Variants in MDGA2 observed in about 807,000 individuals in gnomAD.
MDGA2 encodes MAM domain-containing glycosylphosphatidylinositol anchor protein 2.
MDGA2 carries 40 observed loss-of-function variants against 117.8 expected under a neutral mutation model. The observed-to-expected ratio is 0.34, with a 90% CI of 0.26 to 0.44. The LOEUF is 0.44. Ranked by LOEUF, MDGA2 falls within the 20% of genes least tolerant of loss-of-function variation. The pLI is 1.00. For missense variants in MDGA2, 1,123 were observed against 1,250.6 expected (o/e 0.90, Z 1.54); for synonymous variants, 452 against 439.0 (o/e 1.03, Z -0.37).
At chr14:47,632,872 G>A (rs1438641908) in intron 1 of MDGA2, among the ~76,000 whole-genome samples, 2 of 150,502 alleles carry the variant, frequency 1.3e-5, no homozygotes, top group South Asian at 2.1e-4. Context: ...CTTTTAACTC[G>A]GCCTGTGTTT....
At chr14:46,890,324 A>G (rs974121845) in intron 10 of MDGA2, among the ~76,000 whole-genome samples, 2 of 152,102 alleles carry the variant, frequency 1.3e-5, no homozygotes, top group African/African-American at 4.8e-5. Context: ...AAGTAATGAG[A>G]GAGCAGTTAA....
At chr14:46,853,986 T>C (rs1364772583) in intron 15 of MDGA2, among the ~76,000 whole-genome samples, 2 of 151,844 alleles carry the variant, frequency 1.3e-5, no homozygotes, top group Non-Finnish European at 2.9e-5. Flanking sequence ...AAATCTTTTA[T>C]ATATCTGTAG....
chr14:47,349,959 T>C (rs1026148444), intron 1 of MDGA2, among the ~76,000 whole-genome samples: 1 of 152,192 alleles, frequency 6.6e-6, no homozygotes, highest in East Asian at 1.9e-4. Flanking sequence ...ATCAGATACA[T>C]CCATTTCTCG....
rs35801678 is a variant in MDGA2 at position 47,079,727 on chromosome 14, A to ATTTTTTTTTTTTTTTTTTTTT, written c.1195+17106_1195+17126dup. On this transcript the variant is annotated intron_variant, in intron 6 of 16. Coordinates refer to ENST00000399232, the MANE Select transcript of MDGA2 (RefSeq NM_001113498.3). ...ATTTGTTTCAGCCGATTTTCTACTA[A>ATTTTTTTTTTTTTTTTTTTTT]TTTTTTTTTTTTTTTTTTTTTTGAG... 1.6e-4 allele frequency among the ~76,000 whole-genome samples: 13 copies of ATTTTTTTTTTTTTTTTTTTTT among 80,070 alleles called. 3 individuals carry two copies. Among genetic ancestry groups the ATTTTTTTTTTTTTTTTTTTTT allele is most frequent in the African/African-American group, 5.1e-4 (9 of 17,518 alleles). The allele number at this position is 80,070 out of a possible 152,430, so 52.5% of individuals were successfully genotyped here. A position where few individuals can be genotyped will look rare whatever the true frequency, so the allele number is the denominator to read the frequency against.
chr14:46,875,783 A>G (rs550221100), intron 12 of MDGA2, among the ~76,000 whole-genome samples: 2 of 151,750 alleles, frequency 1.3e-5, no homozygotes, highest in African/African-American at 2.4e-5. Flanking sequence ...TTAATTATAT[A>G]TTACATATGC....
intron 1 of MDGA2, among the ~76,000 whole-genome samples, chr14:47,512,854 G>T (rs1435281604): frequency 6.6e-6 from 1 of 151,864 alleles, no homozygotes; most frequent in African/African-American, 2.4e-5. Context: ...ATCTTTTCTA[G>T]CTCTCAACCA....
intron 1 of MDGA2, among the ~76,000 whole-genome samples, chr14:47,389,222 A>G (rs1461680946): frequency 1.3e-5 from 2 of 152,226 alleles, no homozygotes; most frequent in Non-Finnish European, 2.9e-5. Flanking sequence ...CACAGTGTAT[A>G]CTTTGGATCC....
At chr14:47,566,382 C>T (rs142128378) in intron 1 of MDGA2, among the ~76,000 whole-genome samples, 49 of 152,278 alleles carry the variant, frequency 3.2e-4, no homozygotes, top group Non-Finnish European at 6.3e-4. Context: ...GTCAGACTGG[C>T]CCTGTCTCAC....
intron 2 of MDGA2, among the ~76,000 whole-genome samples, chr14:47,261,522 G>A (rs952274845): frequency 5.9e-5 from 9 of 152,018 alleles, no homozygotes; most frequent in Non-Finnish European, 1.2e-4. Flanking sequence ...TAAAGCAGAT[G>A]GCCTAAGTCA....
intron 3 of MDGA2, among the ~76,000 whole-genome samples, chr14:47,148,638 G>A (rs1883041870): frequency 6.6e-6 from 1 of 152,160 alleles, no homozygotes; most frequent in African/African-American, 2.4e-5. Flanking sequence ...TCTCCCTAGT[G>A]TATGATTATT....
At chr14:47,547,278 T>C (rs569202065) in intron 1 of MDGA2, among the ~76,000 whole-genome samples, 8 of 152,310 alleles carry the variant, frequency 5.3e-5, no homozygotes, top group Non-Finnish European at 7.4e-5. Context: ...ATGGGCAGAA[T>C]TGCAGTCATC....
At chr14:47,150,825 G>A (rs931206355) in intron 3 of MDGA2, among the ~76,000 whole-genome samples, 11 of 151,540 alleles carry the variant, frequency 7.3e-5, no homozygotes, top group Non-Finnish European at 1.3e-4. Flanking sequence ...TCAGAAGGCT[G>A]AGGCATGAGA....
rs1236782395 is a variant in MDGA2 at position 47,517,615 on chromosome 14, T to C, written c.280+156902A>G. Reference sequence around the variant, plus strand: ...CTATTCCAGAAAGATAGAGGCAATGTACTCTTAGATTCTCCCATGCAATCA... The same window carrying C: ...CTATTCCAGAAAGATAGAGGCAATGCACTCTTAGATTCTCCCATGCAATCA... On this transcript the variant is annotated intron_variant, in intron 1 of 16. Transcript: ENST00000399232. Among the ~76,000 whole-genome samples, 4 of 152,274 alleles carry C rather than the reference T, an allele frequency of 2.6e-5. No homozygotes were observed. The East Asian group carries it at 7.7e-4, about 29-fold the overall frequency.
intron 3 of MDGA2, among the ~76,000 whole-genome samples, chr14:47,178,092 A>G (rs1028482681): frequency 1.1e-4 from 16 of 152,158 alleles, no homozygotes; most frequent in Non-Finnish European, 2.2e-4. Context: ...TGGGTATTGT[A>G]GATTCATAAT....
chr14:47,597,027 C>T (rs1896556135), intron 1 of MDGA2, among the ~76,000 whole-genome samples: 1 of 152,124 alleles, frequency 6.6e-6, no homozygotes, highest in African/African-American at 2.4e-5. Context: ...CACTGTGTTA[C>T]TACACTGAGA....
At chr14:47,598,347 C>G (rs1896585530) in intron 1 of MDGA2, among the ~76,000 whole-genome samples, 2 of 152,144 alleles carry the variant, frequency 1.3e-5, no homozygotes, top group Admixed American at 1.3e-4. Flanking sequence ...TAACTGAAAG[C>G]AGGAATTTGA....
chr14:47,392,480 G>T lies in MDGA2; in HGVS notation c.281-90930C>A, dbSNP rs577217283. Among the ~76,000 whole-genome samples the T allele has an allele frequency of 8.9e-4, 136 of 152,162 alleles. 4 individuals are homozygous for T. The South Asian group carries it at 0.027, about 31-fold the overall frequency. ...CAAGTAGGCCTTTGAGTCCTAGCCA[G>T]ATTTCAAGAAAAATCTATGTTTATT... On this transcript the variant is annotated intron_variant, in intron 1 of 16. Transcript: ENST00000399232.
intron 7 of MDGA2, among the ~76,000 whole-genome samples, chr14:47,056,508 A>T (rs1245859727): frequency 6.6e-6 from 1 of 152,134 alleles, no homozygotes; most frequent in Non-Finnish European, 1.5e-5. Flanking sequence ...TAGAAAAAAG[A>T]TCATCAAAAT....
At chr14:47,196,288 T>C (rs1885286205) in intron 3 of MDGA2, among the ~76,000 whole-genome samples, 1 of 152,130 alleles carries the variant, frequency 6.6e-6, no homozygotes, top group African/African-American at 2.4e-5. Context: ...AGAGTATAAG[T>C]AGCTGTAGTA....
Sources: gnomAD v4.1 joint callset for allele counts (sites outside exome capture counted in the v4.1 genomes callset) on GRCh38, gnomAD v4.1.1 for gene constraint, MANE v1.5 for transcripts, NCBI Gene and HGNC (gene_info 2026-07-23, HGNC 2026-07-21) for gene names.